PPP3CC: variants seen among roughly 807,000 people sequenced by gnomAD.
The protein encoded by PPP3CC is serine/threonine-protein phosphatase 2B catalytic subunit gamma isoform.
A neutral mutation model predicts 60.3 loss-of-function variants in PPP3CC; 35 were observed. That is an observed-to-expected ratio of 0.58 (90% CI 0.44 to 0.77). The LOEUF (loss-of-function observed/expected upper bound fraction) is 0.77. Among genes scored for constraint, PPP3CC ranks in the 30% least tolerant of loss-of-function variants. The probability of loss-of-function intolerance (pLI) is 0.00; values close to 1 mark genes in which losing one functional copy is unlikely to be tolerated. For missense variants in PPP3CC, 570 were observed against 628.9 expected, an observed-to-expected ratio of 0.91 and a Z score of 1.00; for synonymous variants, 206 against 224.3, an observed-to-expected ratio of 0.92 and a Z score of 0.73.
intron 12 of PPP3CC, among the ~76,000 whole-genome samples, chr8:22,538,037 A>G (rs1401671264): frequency 2.0e-5 from 3 of 152,220 alleles, no homozygotes; most frequent in African/African-American, 7.2e-5. Context: ...ACTTTAAACA[A>G]GTGAGTTTTG....
At chr8:22,470,732 C>T (rs138171874) in intron 1 of PPP3CC, among the ~76,000 whole-genome samples, 6 of 152,256 alleles carry the variant, frequency 3.9e-5, no homozygotes, top group African/African-American at 1.4e-4. Flanking sequence ...GTTCACTGTA[C>T]TGGAATAAAA....
Position 22,540,664 on chromosome 8 carries a change from G to A in PPP3CC, c.1401G>A (p.Ala467=), listed in dbSNP as rs1473205984. 7 of 1,613,842 alleles carry A rather than the reference G, an allele frequency of 4.3e-6. 1 individual carries two copies. The highest frequency in any genetic ancestry group is 2.7e-5 in the African/African-American group (2 of 74,908). The part of the protein sequence containing the change: ...LQHKIRSFEE[A]RGLDRINERM... ...ACAAGATCCGGAGTTTTGAAGAAGC[G>A]CGAGGTCTGGACCGAATTAATGAGC... is the stretch of plus-strand genomic sequence containing the variant. The change falls in exon 14 of 14, where the codon GCG becomes GCA. Residue 467 remains alanine (A), a synonymous_variant. Coordinates refer to ENST00000240139, the MANE Select transcript of PPP3CC (RefSeq NM_005605.5).
At chr8:22,462,986 A>T (rs1837407913) in intron 1 of PPP3CC, among the ~76,000 whole-genome samples, 2 of 152,078 alleles carry the variant, frequency 1.3e-5, no homozygotes, top group South Asian at 4.2e-4. Context: ...AACCAAATAT[A>T]TTTTTTTTCC....
At chr8:22,467,102 T>G (rs1372588779) in intron 1 of PPP3CC, among the ~76,000 whole-genome samples, 1 of 152,138 alleles carries the variant, frequency 6.6e-6, no homozygotes, top group African/African-American at 2.4e-5. Context: ...GGGCAAAATA[T>G]TTAACAATAA....
chr8:22,442,030 C>G (rs952796328), intron 1 of PPP3CC, among the ~76,000 whole-genome samples: 2 of 152,074 alleles, frequency 1.3e-5, no homozygotes, highest in African/African-American at 4.8e-5. Flanking sequence ...TTTATTTTCC[C>G]TTTGGTTATA....
chr8:22,462,717 C>G (rs1248137924), intron 1 of PPP3CC, among the ~76,000 whole-genome samples: 1 of 152,038 alleles, frequency 6.6e-6, no homozygotes, highest in Non-Finnish European at 1.5e-5. Flanking sequence ...ACTACAGGCA[C>G]CCGCCACCAT....
intron 1 of PPP3CC, among the ~76,000 whole-genome samples, chr8:22,471,520 C>G (rs1352011108): frequency 6.6e-6 from 1 of 152,120 alleles, no homozygotes; most frequent in East Asian, 1.9e-4. Context: ...CCTATTACTT[C>G]TAGGCCACAA....
chr8:22,475,624 G>A lies in PPP3CC; in HGVS notation c.372G>A (p.Glu124=). The change falls in exon 3 of 14, where the codon GAG becomes GAA. Residue 124 remains glutamate, a splice_region_variant and synonymous_variant. Transcript: ENST00000240139. The part of the protein sequence containing the change: ...DYVDRGYFSI[E]CVLYLWSLKI... ...TGGACAGAGGCTATTTCAGTATAGAGGTAAAAATTAAACTGGATATGTTGG... is the reference window on the plus strand; with the variant it reads ...TGGACAGAGGCTATTTCAGTATAGAAGTAAAAATTAAACTGGATATGTTGG... 2 of 1,610,726 alleles carry A rather than the reference G, an allele frequency of 1.2e-6. No homozygotes were observed. Among genetic ancestry groups the A allele is most frequent in the Non-Finnish European group, 1.7e-6 (2 of 1,178,492 alleles).
At chr8:22,491,689 A>G (rs528539322) in intron 3 of PPP3CC, among the ~76,000 whole-genome samples, 1 of 152,292 alleles carries the variant, frequency 6.6e-6, no homozygotes, top group Non-Finnish European at 1.5e-5. Flanking sequence ...ATAATGAAGT[A>G]GTATGTTTTT....
Position 22,532,249 on chromosome 8 carries a change from T to C in PPP3CC, c.1166T>C (p.Ile389Thr). 6 of 1,612,830 alleles carry C rather than the reference T, an allele frequency of 3.7e-6. No homozygotes were observed. Among genetic ancestry groups the C allele is most frequent in the Non-Finnish European group, 3.4e-6 (4 of 1,178,802 alleles). Reference sequence around the variant, plus strand: ...GGAAGCACTACAGTTCGTAAGGAGATCATCAGGAATAAGATCAGAGCCATT... The same window carrying C: ...GGAAGCACTACAGTTCGTAAGGAGACCATCAGGAATAAGATCAGAGCCATT... ...AEGSTTVRKEIIRNKIRAIGK... is the reference protein window; with the variant it reads ...AEGSTTVRKETIRNKIRAIGK... The change falls in exon 11 of 14, where the codon ATC (isoleucine) becomes ACC (threonine). Residue 389 changes from isoleucine to threonine, a missense_variant. Physicochemically the swap from Ile to Thr is moderately conservative, Grantham distance 89 (BLOSUM62 -1). Transcript: ENST00000240139.
intron 13 of PPP3CC, 134 bp downstream of exon 13, chr8:22,539,632 A>G: frequency 1.1e-6 from 1 of 903,114 alleles, no homozygotes; most frequent in South Asian, 2.0e-5. Context: ...AGTTGTTTCT[A>G]GGCATGTTAA....
At chr8:22,478,276 T>C (rs781312607) in intron 3 of PPP3CC, among the ~76,000 whole-genome samples, 2 of 151,796 alleles carry the variant, frequency 1.3e-5, no homozygotes, top group Non-Finnish European at 2.9e-5. Context: ...CTCTGCCTCC[T>C]GAGTAGCTGG....
chr8:22,503,123 T>A (rs1838809943), intron 4 of PPP3CC, among the ~76,000 whole-genome samples: 1 of 152,284 alleles, frequency 6.6e-6, no homozygotes, highest in East Asian at 1.9e-4. Context: ...AATTACCCAG[T>A]TGGGGCCCAA....
At chr8:22,470,237 A>G (rs1466961592) in intron 1 of PPP3CC, among the ~76,000 whole-genome samples, 1 of 151,950 alleles carries the variant, frequency 6.6e-6, no homozygotes, top group Admixed American at 6.6e-5. Context: ...TCCTCCTGCC[A>G]TAGCCTCCCA....
At chr8:22,491,879 G>T (rs771668841) in intron 3 of PPP3CC, among the ~76,000 whole-genome samples, 1 of 152,098 alleles carries the variant, frequency 6.6e-6, no homozygotes, top group African/African-American at 2.4e-5. Flanking sequence ...TGGAAAGAAC[G>T]TATATTCTCT....
intron 1 of PPP3CC, among the ~76,000 whole-genome samples, chr8:22,463,481 A>C (rs1308367540): frequency 6.6e-6 from 1 of 152,232 alleles, no homozygotes; most frequent in East Asian, 1.9e-4. Flanking sequence ...AAGAAGCGGA[A>C]ACCACCTGTG....
intron 1 of PPP3CC, among the ~76,000 whole-genome samples, chr8:22,456,709 G>A (rs921132337): frequency 3.9e-5 from 6 of 152,148 alleles, no homozygotes; most frequent in African/African-American, 1.4e-4. Flanking sequence ...CAACAGTACC[G>A]TAACCACAAG....
chr8:22,513,818 C>T (rs993096569), intron 6 of PPP3CC, among the ~76,000 whole-genome samples: 1 of 152,156 alleles, frequency 6.6e-6, no homozygotes. Flanking sequence ...AAAAGCTCTC[C>T]AAATTTTGTA....
chr8:22,445,503 T>C (rs1228406495), intron 1 of PPP3CC, among the ~76,000 whole-genome samples: 1 of 152,226 alleles, frequency 6.6e-6, no homozygotes, highest in African/African-American at 2.4e-5. Context: ...TGTGTTTCCA[T>C]CTGCAGGTAT....
Sources: gnomAD v4.1 joint callset for allele counts (sites outside exome capture counted in the v4.1 genomes callset) on GRCh38, gnomAD v4.1.1 for gene constraint, MANE v1.5 for transcripts, NCBI Gene and HGNC (gene_info 2026-07-23, HGNC 2026-07-21) for gene names.